Variants in POLR2F observed in about 807,000 individuals in gnomAD.
The protein encoded by POLR2F is DNA-directed RNA polymerases I, II, and III subunit RPABC2.
Under a neutral mutation model 22.7 loss-of-function variants are expected in POLR2F, and 12 were observed. The observed-to-expected ratio is 0.53, with a 90% CI of 0.34 to 0.86. POLR2F has a LOEUF of 0.86. POLR2F is among the 40% of genes least tolerant of loss of function. The pLI is 0.02. For synonymous variants in POLR2F, 57 were observed against 66.0 expected, an observed-to-expected ratio of 0.86 and a Z score of 0.66; for missense variants, 126 against 171.5, an observed-to-expected ratio of 0.73 and a Z score of 1.48.
chr22:37,985,857 TCACA>T (rs1427108510), upstream of POLR2F, among the ~76,000 whole-genome samples: 2 of 143,952 alleles, frequency 1.4e-5, no homozygotes, highest in Non-Finnish European at 3.1e-5. Flanking sequence ...ACACACATGC[TCACA>T]CACACAACCA....
chr22:37,956,932 A>G (rs535401688), intron 2 of POLR2F, 90 bp downstream of exon 2: 8 of 1,017,748 alleles, frequency 7.9e-6, no homozygotes, highest in African/African-American at 6.3e-5. Flanking sequence ...TCTGCCTTCT[A>G]TTTGTGGTCA....
rs1364697975 is a variant in POLR2F, at chr22:38,031,939, C to T, written c.453-9129C>T. Among the ~76,000 whole-genome samples, 1 of 152,188 alleles carries T rather than the reference C, an allele frequency of 6.6e-6. No individual in the cohort carries two copies. Among genetic ancestry groups the T allele is most frequent in the African/African-American group, 2.4e-5 (1 of 41,442 alleles). ...AGTCCCCTCCCCAGCATTCTAGTCC[C>T]CTCTGTCTTGGCCTCTGTTTTGGTC... On this transcript the variant is annotated intron_variant, in intron 5 of 5. Coordinates refer to the POLR2F transcript ENST00000407936. This position sits in a 1 kb window ranked among gnomAD's most constrained non-coding sequence, Gnocchi z 4.1.
chr22:38,024,424 C>T (rs1321860237), intron 1 of POLR2F, among the ~76,000 whole-genome samples: 2 of 152,072 alleles, frequency 1.3e-5, no homozygotes, highest in African/African-American at 4.8e-5. Flanking sequence ...TGTTTGAGTC[C>T]CTGCTTTCAA....
intron 1 of POLR2F, among the ~76,000 whole-genome samples, chr22:38,010,836 C>T (rs1370474185): frequency 6.6e-6 from 1 of 151,858 alleles, no homozygotes. Context: ...AGGCTGGTCT[C>T]GAACTCCTGA....
At chr22:38,020,201 A>G (rs918657180) in intron 1 of POLR2F, among the ~76,000 whole-genome samples, 1 of 105,364 alleles carries the variant, frequency 9.5e-6, no homozygotes, top group African/African-American at 4.3e-5. Flanking sequence ...ACACACACAC[A>G]TATATACACA....
chr22:38,017,791 C>G lies in POLR2F; in HGVS notation c.121-8078C>G, dbSNP rs1402913097. On this transcript the variant is annotated intron_variant, in intron 1 of 2. Transcript: ENST00000333418. This position sits in a 1 kb window ranked among gnomAD's most constrained non-coding sequence, Gnocchi z 4.1. ...ATGGCTTGCTCTGTCCTTGCCCAGC[C>G]CAGGCGTTTGGGAAGTTCTTTCTGA... Among the ~76,000 whole-genome samples, 1 of 152,152 alleles carries G rather than the reference C, an allele frequency of 6.6e-6. No homozygotes were observed. The highest frequency in any genetic ancestry group is 1.5e-5 in the Non-Finnish European group (1 of 68,028).
chr22:38,024,133 A>G (rs2084985624), intron 1 of POLR2F, among the ~76,000 whole-genome samples: 1 of 152,050 alleles, frequency 6.6e-6, no homozygotes, highest in Admixed American at 6.6e-5. Flanking sequence ...CATGAGCCAC[A>G]GCGCCTGGCC....
chr22:37,959,679 C>T (rs986489726), intron 3 of POLR2F, among the ~76,000 whole-genome samples: 10 of 148,342 alleles, frequency 6.7e-5, no homozygotes, highest in Admixed American at 6.1e-4. Context: ...AGGACATGAA[C>T]ATCTGAGAAG....
At chr22:37,973,857 G>T, downstream of POLR2F, 1 of 1,608,198 alleles carries the variant, frequency 6.2e-7, no homozygotes, top group South Asian at 1.1e-5. Context: ...ACACCAGGTG[G>T]TGAGACCGTG....
In POLR2F at chr22:37,959,441, A is replaced by T; in HGVS notation, c.186A>T (p.Arg62=). 9.9e-6 allele frequency: 16 copies of T among 1,614,086 alleles called. No individual in the cohort carries two copies. The highest frequency in any genetic ancestry group is 1.4e-5 in the Non-Finnish European group (16 of 1,179,996). The change falls in exon 3 of 5, where the codon CGA becomes CGT. Residue 62 remains arginine (R), a synonymous_variant. Transcript: ENST00000442738. ...CACCATACATGACCAAGTACGAGCG[A>T]GCCCGCGTGCTGGGCACCCGAGCGC... is the stretch of plus-strand genomic sequence containing the variant. ...ITTPYMTKYE[R]ARVLGTRALQ... is the part of the protein sequence containing the mutation.
intron 3 of POLR2F, among the ~76,000 whole-genome samples, chr22:37,960,648 G>A (rs573420524): frequency 3.2e-4 from 48 of 151,996 alleles, no homozygotes; most frequent in African/African-American, 1.1e-3. Context: ...TGATCCGCCC[G>A]CCTCGGCCTC....
chr22:37,973,915 G>A (rs949765986), downstream of POLR2F: 2 of 1,610,156 alleles, frequency 1.2e-6, no homozygotes, highest in African/African-American at 2.7e-5. Context: ...AGTGTCCACT[G>A]GCCACGGCCA....
downstream of POLR2F, among the ~76,000 whole-genome samples, chr22:37,972,034 CAGAA>C (rs1412756067): frequency 1.4e-5 from 2 of 139,624 alleles, no homozygotes; most frequent in South Asian, 2.3e-4. Flanking sequence ...GGGAGAGAGA[CAGAA>C]AGAGAGAGAG....
chr22:37,957,136 A>G (rs377505256), intron 2 of POLR2F, among the ~76,000 whole-genome samples: 4 of 152,326 alleles, frequency 2.6e-5, no homozygotes, highest in Admixed American at 6.5e-5. Context: ...TGTTTATTAT[A>G]TGCCAGGTGC....
intron 1 of POLR2F, chr22:37,987,254 G>A (rs1440451133): frequency 4.4e-6 from 2 of 456,602 alleles, no homozygotes; most frequent in African/African-American, 2.0e-5. Flanking sequence ...GAGCAACAGG[G>A]TTTTCCTGGG....
rs371786933 is a variant in POLR2F at position 38,014,847 on chromosome 22, G to A, written c.121-11022G>A. ...TTTTGAGATGGAGTCTTGCTCTGTC[G>A]CCCAGGCTGGAGTGCAGTGGCGCGA... On this transcript the variant is annotated intron_variant, in intron 1 of 2. Transcript: ENST00000333418. Among the ~76,000 whole-genome samples, 296 of 134,380 alleles carry A rather than the reference G, an allele frequency of 2.2e-3. 3 individuals are homozygous for A. The East Asian group carries it at 0.031, about 14-fold the overall frequency. 88.2% of individuals were successfully genotyped at this position (134,380 alleles called of 152,430 possible).
chr22:37,976,375 A>G (rs1932220780), intron 4 of POLR2F, among the ~76,000 whole-genome samples: 1 of 152,080 alleles, frequency 6.6e-6, no homozygotes. Flanking sequence ...TTCTTCCTGT[A>G]CTTAATTCAC....
intron 1 of POLR2F, among the ~76,000 whole-genome samples, chr22:38,019,999 A>G (rs897178448): frequency 2.0e-5 from 3 of 151,926 alleles, no homozygotes; most frequent in Admixed American, 6.6e-5. Flanking sequence ...GGGCAACAAG[A>G]GCAAAACTCT....
Position 37,986,216 on chromosome 22 carries a change from A to G in POLR2F, c.26A>G (p.Asp9Gly), listed in dbSNP as rs1932571495. The G allele has an allele frequency of 5.8e-6, 9 of 1,541,974 alleles. No individual in the cohort carries two copies. In the Admixed American group the frequency reaches 5.9e-5, roughly 10 times the overall value. ...CCCTGGATGGACAGAGGGACGAGGGACGAGCATCTGCCGTCGTGTCCCGGC... is the reference window on the plus strand; with the variant it reads ...CCCTGGATGGACAGAGGGACGAGGGGCGAGCATCTGCCGTCGTGTCCCGGC... The change falls in exon 1 of 3, where the codon GAC becomes GGC. Residue 9 changes from aspartate (D) to glycine (G), a missense_variant. Asp to Gly is a moderately conservative substitution (Grantham distance 94, BLOSUM62 -1). Transcript: ENST00000333418. The surrounding 1 kb of genome is among the most constrained non-coding windows in gnomAD (Gnocchi z 4.7).
Sources: gnomAD v4.1 joint callset for allele counts (sites outside exome capture counted in the v4.1 genomes callset) on GRCh38, gnomAD v4.1.1 for gene constraint, Gnocchi (gnomAD v3.1) non-coding constraint, MANE v1.5 for transcripts, NCBI Gene and HGNC (gene_info 2026-07-23, HGNC 2026-07-21) for gene names.